The following PPARGC1A variants were observed in gnomAD, a reference collection of about 807,000 sequenced individuals.
The protein encoded by PPARGC1A is PPARG coactivator 1 alpha, also known as peroxisome proliferator-activated receptor gamma coactivator 1-alpha.
PPARGC1A carries 25 observed loss-of-function variants against 88.7 expected under a neutral mutation model. The ratio of observed to expected loss-of-function variants is 0.28; its 90% CI spans 0.21 to 0.39. The LOEUF (loss-of-function observed/expected upper bound fraction) is 0.39. Among genes scored for constraint, PPARGC1A ranks in the 10% least tolerant of loss-of-function variants. The probability of loss-of-function intolerance (pLI) is 1.00; values close to 1 mark genes in which losing one functional copy is unlikely to be tolerated. For synonymous variants in PPARGC1A, 363 were observed against 355.6 expected, an observed-to-expected ratio of 1.02 and a Z score of -0.24; for missense variants, 880 against 968.7, an observed-to-expected ratio of 0.91 and a Z score of 1.22.
the PPARGC1A span, among the ~76,000 whole-genome samples, chr4:23,984,117 C>A: frequency 6.6e-6 from 1 of 151,946 alleles, no homozygotes; most frequent in Admixed American, 6.6e-5. Context: ...TTATGAGCTC[C>A]GTTATTAATA....
At chr4:24,214,540 A>T in the PPARGC1A span, among the ~76,000 whole-genome samples, 6 of 152,200 alleles carry the variant, frequency 3.9e-5, no homozygotes, top group African/African-American at 1.4e-4. Context: ...CTGCCACGTG[A>T]GAGACAAGAG....
the PPARGC1A span, among the ~76,000 whole-genome samples, chr4:24,117,510 G>A: frequency 6.6e-6 from 1 of 151,426 alleles, no homozygotes; most frequent in Non-Finnish European, 1.5e-5. Context: ...TCTAGTGGAA[G>A]CTACTGAAAG....
chr4:23,802,393 C>A, intron 10 of PPARGC1A, 48 bp from the exon 11 acceptor site: 1 of 1,611,522 alleles, frequency 6.2e-7, no homozygotes, highest in Non-Finnish European at 8.5e-7. Context: ...AAAAAGCTAG[C>A]CCTCGGCCGG....
At chr4:23,812,304 A>T (rs1721059527) in intron 10 of PPARGC1A, among the ~76,000 whole-genome samples, 1 of 152,118 alleles carries the variant, frequency 6.6e-6, no homozygotes, top group South Asian at 2.1e-4. Flanking sequence ...ACTTGAACTC[A>T]GTCTCTTCAT....
the PPARGC1A span, among the ~76,000 whole-genome samples, chr4:24,410,505 G>A: frequency 6.6e-6 from 1 of 152,174 alleles, no homozygotes; most frequent in Non-Finnish European, 1.5e-5. Context: ...ATTAATGCTT[G>A]TGATGTTCAA....
the PPARGC1A span, among the ~76,000 whole-genome samples, chr4:24,080,967 G>A: frequency 1.2e-4 from 18 of 152,102 alleles, no homozygotes; most frequent in Middle Eastern, 3.4e-3. Flanking sequence ...GAATGTTTGC[G>A]CTGAGAAGAT....
chr4:24,349,608 C>T, the PPARGC1A span, among the ~76,000 whole-genome samples: 1 of 152,110 alleles, frequency 6.6e-6, no homozygotes, highest in African/African-American at 2.4e-5. Flanking sequence ...CAGGCCTCAC[C>T]CAGCTCCCAT....
chr4:23,798,550 A>G (rs377361410), intron 12 of PPARGC1A, among the ~76,000 whole-genome samples: 2 of 152,194 alleles, frequency 1.3e-5, no homozygotes, highest in South Asian at 2.1e-4. Flanking sequence ...CAATACATTC[A>G]TTTCAGTTAA....
At chr4:23,945,965 C>A in the PPARGC1A span, among the ~76,000 whole-genome samples, 1 of 152,116 alleles carries the variant, frequency 6.6e-6, no homozygotes, top group African/African-American at 2.4e-5. Context: ...AGAACTGGTG[C>A]AACCCAGAAC....
the PPARGC1A span, among the ~76,000 whole-genome samples, chr4:24,285,472 A>C: frequency 6.6e-6 from 1 of 152,192 alleles, no homozygotes; most frequent in Admixed American, 6.5e-5. Context: ...TGCCAAACAG[A>C]AGTGACACGA....
the PPARGC1A span, among the ~76,000 whole-genome samples, chr4:24,359,393 A>T: frequency 6.6e-6 from 1 of 152,094 alleles, no homozygotes; most frequent in Non-Finnish European, 1.5e-5. Flanking sequence ...TTATACCTTT[A>T]TCCCGGTCTC....
chr4:24,042,146 G>T, the PPARGC1A span, among the ~76,000 whole-genome samples: 11 of 152,122 alleles, frequency 7.2e-5, no homozygotes, highest in Non-Finnish European at 1.5e-5. Context: ...AAAAATCTCT[G>T]AAAGAGATTT....
chr4:24,272,810 T>TAA, the PPARGC1A span, among the ~76,000 whole-genome samples: 10 of 152,204 alleles, frequency 6.6e-5, no homozygotes, highest in African/African-American at 2.4e-4. Flanking sequence ...ACTGGTGCAA[T>TAA]AAGCAAAGAC....
At chr4:23,889,673 A>G (rs746663378) in intron 1 of PPARGC1A, among the ~76,000 whole-genome samples, 8 of 152,196 alleles carry the variant, frequency 5.3e-5, no homozygotes, top group Non-Finnish European at 1.0e-4. Flanking sequence ...TCTAACTGCA[A>G]CAGATACTGA....
chr4:23,827,669 C>A (rs1724204743), intron 5 of PPARGC1A, among the ~76,000 whole-genome samples: 1 of 152,134 alleles, frequency 6.6e-6, no homozygotes, highest in African/African-American at 2.4e-5. Context: ...CCTTCTCCAG[C>A]AATATATGGT....
the PPARGC1A span, among the ~76,000 whole-genome samples, chr4:24,046,903 G>A: frequency 1.1e-4 from 16 of 152,040 alleles, no homozygotes; most frequent in South Asian, 4.2e-4. Context: ...GCGGGCCCAT[G>A]AGATGGAAGA....
At chr4:24,438,429 A>C in the PPARGC1A span, among the ~76,000 whole-genome samples, 2 of 152,192 alleles carry the variant, frequency 1.3e-5, no homozygotes, top group Non-Finnish European at 2.9e-5. Context: ...ACAATTATCC[A>C]AAATTTGAGT....
intron 8 of PPARGC1A, 83 bp downstream of exon 8, chr4:23,813,606 AT>A: frequency 7.7e-7 from 1 of 1,301,134 alleles, no homozygotes; most frequent in Non-Finnish European, 1.0e-6. Context: ...ATGGCTGCAG[AT>A]TTCAAATTTT....
chr4:24,364,315 G>A, the PPARGC1A span, among the ~76,000 whole-genome samples: 18 of 152,236 alleles, frequency 1.2e-4, no homozygotes, highest in South Asian at 3.3e-3. Flanking sequence ...TTAATACATG[G>A]CAAACATTGG....
Sources: gnomAD v4.1 joint callset for allele counts (sites outside exome capture counted in the v4.1 genomes callset) on GRCh38, gnomAD v4.1.1 for gene constraint, MANE v1.5 for transcripts, NCBI Gene and HGNC (gene_info 2026-07-23, HGNC 2026-07-21) for gene names.